Variants in TRIOBP observed in about 807,000 individuals in gnomAD.
The protein encoded by TRIOBP is TRIO and F-actin-binding protein.
Under a neutral mutation model 238.8 loss-of-function variants are expected in TRIOBP, and 169 were observed. The ratio of observed to expected loss-of-function variants is 0.71; its 90% confidence interval spans 0.62 to 0.80. The LOEUF is 0.80. Among genes scored for constraint, TRIOBP ranks in the 30% least tolerant of loss-of-function variants. The pLI is 0.00. For synonymous variants in TRIOBP, 1,150 were observed against 1,274.4 expected, an observed-to-expected ratio of 0.90 and a Z score of 2.08; for missense variants, 2,838 against 3,122.6, an observed-to-expected ratio of 0.91 and a Z score of 2.17.
intron 17 of TRIOBP, chr22:37,759,782 T>G (rs1926147755): frequency 1.5e-6 from 2 of 1,365,914 alleles, no homozygotes; most frequent in South Asian, 3.0e-5. Context: ...TTTGTCCCCC[T>G]TGGGGACATT....
At chr22:37,731,759 A>G (rs1325533413) in intron 7 of TRIOBP, among the ~76,000 whole-genome samples, 1 of 151,992 alleles carries the variant, frequency 6.6e-6, no homozygotes, top group Admixed American at 6.6e-5. Flanking sequence ...ACCTGGGCTA[A>G]TTTTTGTATT....
chr22:37,702,634 C>CTTTTTTT (rs34625454), intron 3 of TRIOBP, among the ~76,000 whole-genome samples: 24 of 81,202 alleles, frequency 3.0e-4, no homozygotes, highest in African/African-American at 8.0e-4. Context: ...TTCTCTCTCT[C>CTTTTTTT]TTTTTTTTTT....
chr22:37,768,025 C>A, intron 18 of TRIOBP, 49 bp from the exon 19 acceptor site: 1 of 1,496,504 alleles, frequency 6.7e-7, no homozygotes, highest in Non-Finnish European at 9.2e-7. Context: ...GCACTTGGTG[C>A]TGCTGACCCC....
chr22:37,757,005 C>T (rs1046516838), intron 15 of TRIOBP, among the ~76,000 whole-genome samples: 79 of 152,314 alleles, frequency 5.2e-4, no homozygotes, highest in African/African-American at 1.9e-3. Context: ...CCCACCCTGT[C>T]CTCACATCCA....
chr22:37,751,667 G>A (rs779287533), intron 11 of TRIOBP, 105 bp from the exon 12 acceptor site: 20 of 1,339,492 alleles, frequency 1.5e-5, no homozygotes, highest in South Asian at 1.3e-4. Context: ...CCAGGAGCTC[G>A]GTCCCACAGG....
intron 2 of TRIOBP, among the ~76,000 whole-genome samples, chr22:37,699,631 T>A (rs1922541404): frequency 6.6e-6 from 1 of 151,986 alleles, no homozygotes; most frequent in South Asian, 2.1e-4. Flanking sequence ...AACCTCCGCC[T>A]CCTGGGTTCA....
chr22:37,722,219 C>T (rs1361322537), intron 6 of TRIOBP, among the ~76,000 whole-genome samples: 1 of 151,936 alleles, frequency 6.6e-6, no homozygotes, highest in Non-Finnish European at 1.5e-5. Flanking sequence ...CAGGGGCTTT[C>T]TAGAGCTGTC....
chr22:37,707,438 C>G (rs946283526), intron 3 of TRIOBP, among the ~76,000 whole-genome samples: 1 of 152,016 alleles, frequency 6.6e-6, no homozygotes, highest in African/African-American at 2.4e-5. Flanking sequence ...TTCCATCACC[C>G]TCAGATGCTG....
In TRIOBP at chr22:37,709,707, G is replaced by T. The variant is rs145968760; in HGVS notation, c.115-720G>T. ...GGGGGGGCCCTGGAGGTGAGCAGCC[G>T]TTCCCCCCTGGTGAGCCCAGCACCA... is the stretch of plus-strand genomic sequence containing the variant. On this transcript the variant is annotated intron_variant, in intron 3 of 23. Coordinates refer to ENST00000644935, the MANE Select transcript of TRIOBP (RefSeq NM_001039141.3). Among the ~76,000 whole-genome samples, 1,247 of 152,282 alleles carry T rather than the reference G, an allele frequency of 8.2e-3. 17 individuals carry two copies. Among genetic ancestry groups the T allele is most frequent in the African/African-American group, 0.028 (1,176 of 41,560 alleles).
chr22:37,755,238 A>T, intron 14 of TRIOBP, 48 bp downstream of exon 14: 1 of 1,574,976 alleles, frequency 6.3e-7, no homozygotes, highest in African/African-American at 1.4e-5. Flanking sequence ...GCATGGCTGG[A>T]GGTCCCTGGG....
At chr22:37,730,905 C>T (rs758607263) in intron 7 of TRIOBP, among the ~76,000 whole-genome samples, 2 of 147,170 alleles carry the variant, frequency 1.4e-5, no homozygotes, top group Non-Finnish European at 3.0e-5. Context: ...TGAGATTGCA[C>T]CACTGCACTC....
intron 8 of TRIOBP, among the ~76,000 whole-genome samples, chr22:37,734,155 AG>A (rs914425175): frequency 6.6e-5 from 10 of 152,286 alleles, no homozygotes; most frequent in Admixed American, 6.5e-4. Flanking sequence ...TATCTTTGAG[AG>A]GGGTGAGAAG....
intron 8 of TRIOBP, 106 bp downstream of exon 8, chr22:37,733,518 G>A: frequency 1.1e-6 from 1 of 875,634 alleles, no homozygotes; most frequent in South Asian, 1.4e-5. Flanking sequence ...GGTCCTCTAT[G>A]AAAGGGTCGG....
intron 7 of TRIOBP, 109 bp downstream of exon 7, chr22:37,726,612 C>T (rs1414719359): frequency 1.1e-5 from 13 of 1,163,516 alleles, no homozygotes; most frequent in African/African-American, 1.6e-5. Flanking sequence ...CCTGGCTTGC[C>T]ATTTACCGGC....
rs372704577 is a variant in TRIOBP, at chr22:37,723,200, G to A, written c.644G>A (p.Gly215Asp). Residue 215 changes from glycine (G) to aspartate (D), a missense_variant, in exon 7 of 24, where the codon GGC (glycine) becomes GAC (aspartate). Around this residue, in one of 5 missense-constraint regions of TRIOBP, gnomAD observed 535 missense variants for 537.3 expected, o/e 1.00. Coordinates refer to ENST00000644935, the MANE Select transcript of TRIOBP (RefSeq NM_001039141.3). ...GQKKEDTGGG[G>D]RSAGQHWARL... ...CTCTCTCCAGACACCGGCGGTGGGG[G>A]CCGGAGCGCAGGACAGCACTGGGCA... is the stretch of plus-strand genomic sequence containing the variant. 5 of 1,613,698 alleles carry A rather than the reference G, an allele frequency of 3.1e-6. No homozygotes were observed.
chr22:37,771,678 T>G lies in TRIOBP; in HGVS notation c.6878T>G (p.Leu2293Arg). The change falls in exon 22 of 24, where the codon CTC (leucine) becomes CGC (arginine). Residue 2293 changes from leucine (L) to arginine (R), a missense_variant. This residue lies in a region of TRIOBP where 2,096 missense variants were observed against 2,137.4 expected (regional missense o/e 0.98). Coordinates refer to ENST00000644935, the MANE Select transcript of TRIOBP (RefSeq NM_001039141.3). Reference protein sequence around the residue: ...EVLLRVKENELQYLKKEVQCL... With the variant: ...EVLLRVKENERQYLKKEVQCL... ...CTGCTTCGCGTAAAAGAAAACGAACTCCAGTACCTAAAGAAGGAGGTGCAG... is the reference window on the plus strand; with the variant it reads ...CTGCTTCGCGTAAAAGAAAACGAACGCCAGTACCTAAAGAAGGAGGTGCAG... 6.2e-7 allele frequency: 1 copy of G among 1,614,012 alleles called. No homozygotes were observed. Among genetic ancestry groups the G allele is most frequent in the South Asian group, 1.1e-5 (1 of 91,078 alleles).
chr22:37,746,021 T>G (rs991424123), intron 11 of TRIOBP, among the ~76,000 whole-genome samples: 26 of 88,614 alleles, frequency 2.9e-4, no homozygotes, highest in East Asian at 6.4e-4. Context: ...CCGCCCTCCC[T>G]TCCCTGCGGC....
chr22:37,763,311 G>C (rs981238905), intron 17 of TRIOBP, among the ~76,000 whole-genome samples: 1 of 152,340 alleles, frequency 6.6e-6, no homozygotes, highest in African/African-American at 2.4e-5. Flanking sequence ...GGTTTGTTCA[G>C]GTTCACTCCA....
intron 10 of TRIOBP, among the ~76,000 whole-genome samples, chr22:37,740,294 C>T (rs1488787771): frequency 6.6e-6 from 1 of 152,190 alleles, no homozygotes; most frequent in African/African-American, 2.4e-5. Flanking sequence ...GTTTCCCCAA[C>T]GAGGATGACT....
Sources: allele counts gnomAD v4.1 joint callset (sites outside exome capture counted in the v4.1 genomes callset), GRCh38; gene constraint gnomAD v4.1.1; regional missense constraint gnomAD v4.1.1; transcripts MANE v1.5; gene names NCBI Gene and HGNC (gene_info 2026-07-23, HGNC 2026-07-21).